PRELID3A: variants seen among roughly 807,000 people sequenced by gnomAD.
The protein encoded by PRELID3A is PRELI domain containing 3A.
In PRELID3A, 27 loss-of-function variants were observed where a neutral mutation model predicts 23.0. That is an observed-to-expected ratio of 1.17 (90% CI 0.87 to 1.62). The LOEUF is 1.62. PRELID3A is among the 40% of genes most tolerant of loss of function. PRELID3A has a pLI of 0.00. For missense variants in PRELID3A, 231 were observed against 231.4 expected, an observed-to-expected ratio of 1.00 and a Z score of 0.01; for synonymous variants, 87 against 86.4, an observed-to-expected ratio of 1.01 and a Z score of -0.04.
intron 3 of PRELID3A, among the ~76,000 whole-genome samples, chr18:12,423,860 G>T (rs755356998): frequency 1.3e-5 from 2 of 152,214 alleles, no homozygotes; most frequent in Non-Finnish European, 2.9e-5. Flanking sequence ...CGGCTCCCCT[G>T]CCCCAACCAG....
rs534235695 is a variant in PRELID3A, at chr18:12,417,275, G to A, written c.33-3050G>A. The stretch of plus-strand genomic sequence containing the variant: ...TGCAACTTCCACCTCCTGGGTTCGA[G>A]CAATTCTTCTGCCTCAGTCTCCCGA... On this transcript the variant is annotated intron_variant, in intron 1 of 6. Coordinates refer to ENST00000440960, the MANE Select transcript of PRELID3A (RefSeq NM_001142405.2). 3.9e-5 allele frequency among the ~76,000 whole-genome samples: 6 copies of A among 152,246 alleles called. No homozygotes were observed. The South Asian group carries it at 8.3e-4, about 21-fold the overall frequency.
chr18:12,419,253 G>A (rs2030059098), intron 1 of PRELID3A, among the ~76,000 whole-genome samples: 2 of 151,690 alleles, frequency 1.3e-5, no homozygotes, highest in South Asian at 2.1e-4. Context: ...TTGTACCCGG[G>A]TGGTGGAGGT....
chr18:12,422,911 A>T (rs558900708), intron 3 of PRELID3A, among the ~76,000 whole-genome samples: 14 of 152,276 alleles, frequency 9.2e-5, no homozygotes, highest in Non-Finnish European at 1.6e-4. Flanking sequence ...AGCCACCACT[A>T]TTTACTGGTT....
At chr18:12,426,378 C>T (rs531787208) in intron 3 of PRELID3A, among the ~76,000 whole-genome samples, 1 of 150,242 alleles carries the variant, frequency 6.7e-6, no homozygotes, top group East Asian at 2.0e-4. Context: ...CACGGTGAAA[C>T]TCCGTCTCTA....
chr18:12,407,960 C>T lies in PRELID3A; in HGVS notation c.-16C>T, dbSNP rs1464195897. 18 of 1,295,248 alleles carry T rather than the reference C, an allele frequency of 1.4e-5. No homozygotes were observed. Among genetic ancestry groups the T allele is most frequent in the Non-Finnish European group, 1.7e-5 (17 of 1,023,732 alleles). The allele number at this position is 1,295,248 out of a possible 1,614,324, so 80.2% of individuals were successfully genotyped here. On this transcript the variant is annotated 5_prime_UTR_variant, in exon 1 of 7. Transcript: ENST00000440960. ...CCCGGCCCGGATCGCAGAGCCCGCG[C>T]CCTGCGCCGGCGGCAATGAAGATCT...
intron 1 of PRELID3A, among the ~76,000 whole-genome samples, chr18:12,412,835 A>T (rs1298249313): frequency 6.6e-6 from 1 of 152,256 alleles, no homozygotes; most frequent in African/African-American, 2.4e-5. Context: ...TTAATTCATT[A>T]AATTTAACAA....
At chr18:12,426,250 GAGAAAA>G (rs1278890122) in intron 3 of PRELID3A, among the ~76,000 whole-genome samples, 3 of 150,326 alleles carry the variant, frequency 2.0e-5, no homozygotes, top group Admixed American at 6.6e-5. Flanking sequence ...AAAAATAAGA[GAGAAAA>G]AGAAAAAGAA....
chr18:12,427,549 G>C (rs1356278720), intron 5 of PRELID3A, among the ~76,000 whole-genome samples: 1 of 151,986 alleles, frequency 6.6e-6, no homozygotes, highest in East Asian at 1.9e-4. Flanking sequence ...ACAAAAATTA[G>C]CTGGGCATAG....
chr18:12,422,988 A>G (rs924262790), intron 3 of PRELID3A, among the ~76,000 whole-genome samples: 6 of 152,164 alleles, frequency 3.9e-5, no homozygotes, highest in Non-Finnish European at 7.3e-5. Context: ...TGCAAGGATT[A>G]AGATATTTCC....
chr18:12,430,964 ATG>A (rs2030573053), intron 6 of PRELID3A, among the ~76,000 whole-genome samples, 184 bp from the exon 7 acceptor site: 2 of 145,424 alleles, frequency 1.4e-5, no homozygotes, highest in South Asian at 4.3e-4. Flanking sequence ...TGATTTGTGC[ATG>A]TCTGTATGAT....
intron 2 of PRELID3A, 37 bp downstream of exon 2, chr18:12,420,530 G>C: frequency 6.8e-7 from 1 of 1,476,284 alleles, no homozygotes; most frequent in Non-Finnish European, 9.0e-7. Flanking sequence ...GAACGCGCCC[G>C]ACTCCCCCAC....
At chr18:12,411,851 T>A (rs990976585) in intron 1 of PRELID3A, among the ~76,000 whole-genome samples, 3 of 152,054 alleles carry the variant, frequency 2.0e-5, no homozygotes, top group Non-Finnish European at 4.4e-5. Context: ...GGGTCTATAT[T>A]CCAGAGGTTC....
chr18:12,416,802 T>G (rs537561719), intron 1 of PRELID3A, among the ~76,000 whole-genome samples: 2 of 151,884 alleles, frequency 1.3e-5, no homozygotes, highest in Non-Finnish European at 2.9e-5. Context: ...CCTGCCACCG[T>G]GCCCGGCTAA....
chr18:12,414,850 G>A (rs2029896169), intron 1 of PRELID3A, among the ~76,000 whole-genome samples: 1 of 152,124 alleles, frequency 6.6e-6, no homozygotes, highest in South Asian at 2.1e-4. Context: ...AAATGCTAAG[G>A]AGCAGCTGAT....
intron 1 of PRELID3A, among the ~76,000 whole-genome samples, chr18:12,415,601 TA>T (rs1367498705): frequency 1.3e-5 from 2 of 152,148 alleles, no homozygotes; most frequent in Non-Finnish European, 2.9e-5. Context: ...ATTTCACAAC[TA>T]TGCAAACATG....
At position 12,407,940 on chromosome 18, in the gene PRELID3A, C is replaced by A. The variant is rs533904456; in HGVS notation, c.-36C>A. ...GAGCCGCGCGGCCCGAAGCACCCGG[C>A]CCGGATCGCAGAGCCCGCGCCCTGC... On this transcript the variant is annotated 5_prime_UTR_variant, in exon 1 of 7. Coordinates refer to ENST00000440960, the MANE Select transcript of PRELID3A (RefSeq NM_001142405.2). The A allele has an allele frequency of 1.6e-6, 2 of 1,289,420 alleles. No homozygotes were observed. Among genetic ancestry groups the A allele is most frequent in the Admixed American group, 4.1e-5 (1 of 24,642 alleles). 79.9% of individuals were successfully genotyped at this position (1,289,420 alleles called of 1,614,324 possible).
chr18:12,408,557 G>A (rs1459729990), intron 1 of PRELID3A, among the ~76,000 whole-genome samples: 1 of 152,176 alleles, frequency 6.6e-6, no homozygotes, highest in Admixed American at 6.5e-5. Context: ...GGCATGGAAG[G>A]CCTCCAAGCT....
At chr18:12,411,641 G>T (rs1598854657) in intron 1 of PRELID3A, among the ~76,000 whole-genome samples, 1 of 152,216 alleles carries the variant, frequency 6.6e-6, no homozygotes, top group African/African-American at 2.4e-5. Context: ...GTCTGGCCAT[G>T]CCCTTCTCAG....
intron 1 of PRELID3A, among the ~76,000 whole-genome samples, chr18:12,416,076 C>T (rs749220733): frequency 6.6e-6 from 1 of 152,232 alleles, no homozygotes; most frequent in Non-Finnish European, 1.5e-5. Flanking sequence ...TCTTCTGCCT[C>T]AACCAGGCAG....
Sources: allele counts gnomAD v4.1 joint callset (sites outside exome capture counted in the v4.1 genomes callset), GRCh38; gene constraint gnomAD v4.1.1; transcripts MANE v1.5; gene names NCBI Gene and HGNC (gene_info 2026-07-23, HGNC 2026-07-21).